The following GRID2 variants were observed in gnomAD, a reference collection of about 807,000 sequenced individuals.
The protein encoded by GRID2 is glutamate receptor ionotropic, delta-2.
A neutral mutation model predicts 114.8 loss-of-function variants in GRID2; 33 were observed. That is an observed-to-expected ratio of 0.29 (90% CI 0.22 to 0.38). GRID2 has a LOEUF of 0.38. Among genes scored for constraint, GRID2 ranks in the 10% least tolerant of loss-of-function variants. The pLI is 1.00. For synonymous variants in GRID2, 505 were observed against 449.9 expected (o/e 1.12, Z -1.55); for missense variants, 1,184 against 1,257.7 (o/e 0.94, Z 0.89).
intron 2 of GRID2, among the ~76,000 whole-genome samples, chr4:93,012,996 T>G (rs921529717): frequency 6.6e-6 from 1 of 152,080 alleles, no homozygotes. Flanking sequence ...TACTGATGGC[T>G]TTGCTAAAAT....
chr4:93,028,546 G>A (rs1038616552), intron 2 of GRID2, among the ~76,000 whole-genome samples: 16 of 152,064 alleles, frequency 1.1e-4, no homozygotes, highest in Non-Finnish European at 1.5e-4. Flanking sequence ...GGAGTACCAC[G>A]ATAGTAGTGA....
chr4:92,544,614 CT>C (rs1451246943), intron 1 of GRID2, among the ~76,000 whole-genome samples: 1 of 152,148 alleles, frequency 6.6e-6, no homozygotes, highest in Non-Finnish European at 1.5e-5. Context: ...TAAAAGAGCA[CT>C]GACGCAGTTC....
At chr4:93,654,503 GAC>G (rs1335048860) in intron 14 of GRID2, among the ~76,000 whole-genome samples, 1 of 151,986 alleles carries the variant, frequency 6.6e-6, no homozygotes, top group Non-Finnish European at 1.5e-5. Flanking sequence ...GGCTTTTTCT[GAC>G]ACATATTTGT....
chr4:92,616,403 T>G (rs77491806), intron 2 of GRID2, among the ~76,000 whole-genome samples: 8,393 of 151,486 alleles, frequency 0.055, 295 homozygotes, highest in East Asian at 0.16. Context: ...TTCCTTTAAG[T>G]TTTTTTCTTT....
intron 6 of GRID2, among the ~76,000 whole-genome samples, chr4:93,219,271 A>G (rs1242451869): frequency 6.6e-6 from 1 of 152,216 alleles, no homozygotes. Context: ...TCATTTAGGG[A>G]CAGCAGAAAT....
intron 1 of GRID2, among the ~76,000 whole-genome samples, chr4:93,782,367 A>G (rs1335328543): frequency 3.3e-5 from 5 of 152,188 alleles, no homozygotes; most frequent in Admixed American, 6.5e-5. Context: ...GTTCAAGCCA[A>G]TATACTTGAC....
At chr4:93,229,554 G>A (rs929730952) in intron 7 of GRID2, among the ~76,000 whole-genome samples, 1 of 152,106 alleles carries the variant, frequency 6.6e-6, no homozygotes, top group South Asian at 2.1e-4. Flanking sequence ...AATGAGGTCA[G>A]GCTCTTTATT....
chr4:93,274,299 G>A (rs985686280), intron 8 of GRID2, among the ~76,000 whole-genome samples: 2 of 151,936 alleles, frequency 1.3e-5, no homozygotes, highest in African/African-American at 4.8e-5. Context: ...TAACACCTTC[G>A]GTTACACCAA....
chr4:92,831,868 A>C (rs1742126690), intron 2 of GRID2, among the ~76,000 whole-genome samples: 1 of 152,008 alleles, frequency 6.6e-6, no homozygotes, highest in African/African-American at 2.4e-5. Context: ...TTGCTATATA[A>C]ATAAATAAAT....
chr4:92,919,455 T>C (rs1203948730), intron 2 of GRID2, among the ~76,000 whole-genome samples: 1 of 152,228 alleles, frequency 6.6e-6, no homozygotes, highest in Non-Finnish European at 1.5e-5. Flanking sequence ...GGGTGTCAAT[T>C]TTAGATCTTT....
At chr4:92,485,221 C>A (rs1560662683) in intron 1 of GRID2, among the ~76,000 whole-genome samples, 1 of 146,050 alleles carries the variant, frequency 6.8e-6, no homozygotes, top group Non-Finnish European at 1.5e-5. Context: ...TCAAATGTTT[C>A]TAATTGAATA....
chr4:93,358,593 CTAA>C, intron 8 of GRID2, among the ~76,000 whole-genome samples: 1 of 151,762 alleles, frequency 6.6e-6, no homozygotes, highest in African/African-American at 2.4e-5. Context: ...ACTCTAGAAA[CTAA>C]TAAGAGATTT....
At chr4:92,977,975 C>G (rs535192503) in intron 2 of GRID2, among the ~76,000 whole-genome samples, 3 of 152,136 alleles carry the variant, frequency 2.0e-5, no homozygotes, top group Non-Finnish European at 4.4e-5. Context: ...AGCTCAGAGA[C>G]AGGGAAATCT....
chr4:93,414,027 T>C (rs1483999402), intron 9 of GRID2, among the ~76,000 whole-genome samples: 4 of 152,278 alleles, frequency 2.6e-5, no homozygotes, highest in South Asian at 4.1e-4. Context: ...AAGTTAATAC[T>C]CTTCCAAAGA....
chr4:92,917,302 C>T (rs1038983865), intron 2 of GRID2, among the ~76,000 whole-genome samples: 13 of 152,104 alleles, frequency 8.5e-5, no homozygotes, highest in African/African-American at 2.4e-4. Flanking sequence ...TTCTCCCATT[C>T]TGTAGGTTGC....
chr4:93,471,944 C>A (rs1361545302), intron 11 of GRID2, among the ~76,000 whole-genome samples: 4 of 149,786 alleles, frequency 2.7e-5, no homozygotes, highest in Non-Finnish European at 4.4e-5. Flanking sequence ...AGGTGGTCCG[C>A]CTGCCTTGGC....
intron 4 of GRID2, among the ~76,000 whole-genome samples, chr4:93,143,753 C>T (rs971748289): frequency 3.3e-5 from 5 of 152,176 alleles, no homozygotes; most frequent in South Asian, 4.1e-4. Flanking sequence ...TATGACCTAC[C>T]TTGACTGCTC....
At chr4:92,677,598 C>A (rs966065231) in intron 2 of GRID2, among the ~76,000 whole-genome samples, 1 of 152,102 alleles carries the variant, frequency 6.6e-6, no homozygotes, top group Non-Finnish European at 1.5e-5. Context: ...GCTGCTCTTG[C>A]TGCATTACAT....
chr4:93,795,653 C>T (rs1734781592), intron 1 of GRID2, among the ~76,000 whole-genome samples: 1 of 152,142 alleles, frequency 6.6e-6, no homozygotes, highest in South Asian at 2.1e-4. Flanking sequence ...CTCTTGTAAA[C>T]AGGTGAGCAA....
Sources: gnomAD v4.1 joint callset for allele counts (sites outside exome capture counted in the v4.1 genomes callset) on GRCh38, gnomAD v4.1.1 for gene constraint, MANE v1.5 for transcripts, NCBI Gene and HGNC (gene_info 2026-07-23, HGNC 2026-07-21) for gene names.